PLD5: variants seen among roughly 807,000 people sequenced by gnomAD.
PLD5 encodes the protein phospholipase D family member 5.
Under a neutral mutation model 61.1 loss-of-function variants are expected in PLD5, and 36 were observed. The ratio of observed to expected loss-of-function variants is 0.59; its 90% CI spans 0.45 to 0.78. The LOEUF is 0.78. Ranked by LOEUF, PLD5 falls within the 30% of genes least tolerant of loss-of-function variation. The pLI is 0.00. For missense variants in PLD5, 515 were observed against 644.4 expected (o/e 0.80, Z 2.17); for synonymous variants, 243 against 242.8 (o/e 1.00, Z -0.01).
At chr1:242,149,675 A>G (rs952315412) in intron 5 of PLD5, among the ~76,000 whole-genome samples, 8 of 148,128 alleles carry the variant, frequency 5.4e-5, no homozygotes, top group African/African-American at 2.1e-4. Flanking sequence ...ACACATACAC[A>G]CACACACACA....
At chr1:242,240,907 A>G (rs1001410351) in intron 4 of PLD5, among the ~76,000 whole-genome samples, 5 of 152,204 alleles carry the variant, frequency 3.3e-5, no homozygotes, top group Admixed American at 2.6e-4. Context: ...AGCTTAATAA[A>G]AGAACATGAA....
chr1:242,342,967 A>AT (rs569216375), intron 2 of PLD5, among the ~76,000 whole-genome samples: 3 of 152,154 alleles, frequency 2.0e-5, no homozygotes, highest in Non-Finnish European at 2.9e-5. Flanking sequence ...AATCATAAGG[A>AT]TTTTTTTATA....
At chr1:242,157,413 T>C (rs1250728839) in intron 5 of PLD5, among the ~76,000 whole-genome samples, 1 of 151,912 alleles carries the variant, frequency 6.6e-6, no homozygotes, top group Admixed American at 6.6e-5. Context: ...AGGAGTTGTG[T>C]TCCTTTGGAG....
intron 1 of PLD5, among the ~76,000 whole-genome samples, chr1:242,353,809 CT>C (rs1660603940): frequency 6.6e-6 from 1 of 151,912 alleles, no homozygotes. Context: ...ATGTTTTATA[CT>C]TTTTGGTGTA....
intron 6 of PLD5, among the ~76,000 whole-genome samples, chr1:242,124,231 T>C (rs532827170): frequency 1.3e-5 from 2 of 152,252 alleles, no homozygotes; most frequent in Admixed American, 1.3e-4. Context: ...ACAGGGTGAT[T>C]GAGGGAATCA....
intron 1 of PLD5, among the ~76,000 whole-genome samples, chr1:242,366,640 C>A (rs1006217333): frequency 6.6e-6 from 1 of 151,874 alleles, no homozygotes; most frequent in South Asian, 2.1e-4. Context: ...AATTTATTGC[C>A]ATTACCTTTA....
At chr1:242,441,530 T>C (rs1020372125) in intron 1 of PLD5, among the ~76,000 whole-genome samples, 6 of 152,210 alleles carry the variant, frequency 3.9e-5, no homozygotes, top group Non-Finnish European at 5.9e-5. Context: ...CTTAGTTTCC[T>C]CAGTTATAAG....
At chr1:242,194,716 T>C (rs1668527180) in intron 5 of PLD5, among the ~76,000 whole-genome samples, 1 of 152,128 alleles carries the variant, frequency 6.6e-6, no homozygotes, top group South Asian at 2.1e-4. Context: ...AATGAATTAA[T>C]GCCATTCACA....
intron 2 of PLD5, among the ~76,000 whole-genome samples, chr1:242,293,981 C>G (rs985401444): frequency 6.6e-6 from 1 of 152,194 alleles, no homozygotes; most frequent in Non-Finnish European, 1.5e-5. Flanking sequence ...AGCATAGAAG[C>G]AGAACTCATT....
intron 5 of PLD5, among the ~76,000 whole-genome samples, chr1:242,166,669 C>T (rs1666327209): frequency 6.6e-6 from 1 of 152,214 alleles, no homozygotes; most frequent in African/African-American, 2.4e-5. Context: ...ATACTCTCCT[C>T]GCATATCACT....
chr1:242,099,531 G>A (rs956636713), intron 9 of PLD5, among the ~76,000 whole-genome samples: 2 of 152,152 alleles, frequency 1.3e-5, no homozygotes, highest in East Asian at 1.9e-4. Context: ...CTACCCACAC[G>A]GCCAGTGGCA....
intron 1 of PLD5, among the ~76,000 whole-genome samples, chr1:242,492,437 G>C (rs575632531): frequency 6.6e-6 from 1 of 150,886 alleles, no homozygotes; most frequent in Admixed American, 6.6e-5. Context: ...CAGGACAATC[G>C]CTTGAGCCCG....
intron 1 of PLD5, among the ~76,000 whole-genome samples, chr1:242,384,646 C>A (rs12097667): frequency 0.17 from 25,910 of 152,144 alleles, 2,409 homozygotes; most frequent in Admixed American, 0.25. Context: ...AAACAATCTA[C>A]GCAAACTGTA....
chr1:242,483,268 T>C (rs1322787265), intron 1 of PLD5, among the ~76,000 whole-genome samples: 1 of 152,118 alleles, frequency 6.6e-6, no homozygotes, highest in Non-Finnish European at 1.5e-5. Flanking sequence ...ACTGGCAAAT[T>C]GGATAAAGAG....
At chr1:242,109,999 C>G (rs1438575090) in intron 7 of PLD5, among the ~76,000 whole-genome samples, 1 of 149,880 alleles carries the variant, frequency 6.7e-6, no homozygotes, top group African/African-American at 2.4e-5. Context: ...AATGAATGTA[C>G]CTGAGGCTGA....
chr1:242,100,803 G>T, intron 8 of PLD5, 21 bp from the exon 9 acceptor site: 1 of 1,489,412 alleles, frequency 6.7e-7, no homozygotes. Context: ...AAAAAAAAGG[G>T]GGCAGGTAAA....
intron 2 of PLD5, among the ~76,000 whole-genome samples, chr1:242,309,563 C>T (rs557958023): frequency 3.3e-5 from 5 of 151,556 alleles, no homozygotes; most frequent in Admixed American, 6.6e-5. Context: ...TAGTAGAGAT[C>T]GGGTTTCACC....
intron 5 of PLD5, among the ~76,000 whole-genome samples, chr1:242,187,816 G>A (rs956421877): frequency 1.3e-5 from 2 of 152,174 alleles, no homozygotes; most frequent in Admixed American, 6.5e-5. Flanking sequence ...GTGCAAAGAC[G>A]TAAGAGATGA....
intron 1 of PLD5, among the ~76,000 whole-genome samples, chr1:242,411,983 A>G (rs1054622186): frequency 6.6e-6 from 1 of 152,166 alleles, no homozygotes; most frequent in Non-Finnish European, 1.5e-5. Flanking sequence ...CAATGGGTAC[A>G]TACTGTGAGA....
Sources: gnomAD v4.1 joint callset for allele counts (sites outside exome capture counted in the v4.1 genomes callset) on GRCh38, gnomAD v4.1.1 for gene constraint, MANE v1.5 for transcripts, NCBI Gene and HGNC (gene_info 2026-07-23, HGNC 2026-07-21) for gene names.